The following HSPA4L variants were observed in gnomAD, a reference collection of about 807,000 sequenced individuals.
HSPA4L encodes the protein heat shock protein family A (Hsp70) member 4 like.
A neutral mutation model predicts 100.3 loss-of-function variants in HSPA4L; 48 were observed. The ratio of observed to expected loss-of-function variants is 0.48; its 90% confidence interval spans 0.38 to 0.61. The LOEUF (loss-of-function observed/expected upper bound fraction) is 0.61. HSPA4L is among the 20% of genes least tolerant of loss of function. The pLI, the probability that HSPA4L is intolerant of heterozygous loss-of-function variation, is 0.00. For missense variants in HSPA4L, 886 were observed against 988.6 expected (o/e 0.90, Z 1.39); for synonymous variants, 319 against 328.2 (o/e 0.97, Z 0.30).
In HSPA4L at chr4:127,836,548, A is replaced by ATATT. The variant is rs905787821; in HGVS notation, c.*3676_*3679dup. 1.3e-5 allele frequency: 2 copies of ATATT among 151,944 alleles called. No individual in the cohort carries two copies. The highest frequency in any genetic ancestry group is 4.8e-5 in the African/African-American group (2 of 41,374). The allele number at this position is 151,944 out of a possible 1,614,324, so 9.4% of individuals were successfully genotyped here. A position where few individuals can be genotyped will look rare whatever the true frequency, so the allele number is the denominator to read the frequency against. ...TGGGAGGGAGGCGTCAATTTTTAGTATATTTGTGATTAATTCCATGATAGA... is the reference window on the plus strand; with the variant it reads ...TGGGAGGGAGGCGTCAATTTTTAGTATATTTATTTGTGATTAATTCCATGATAGA... On this transcript the variant is annotated 3_prime_UTR_variant, in exon 19 of 19. Coordinates refer to ENST00000296464, the MANE Select transcript of HSPA4L (RefSeq NM_014278.4).
Position 127,805,764 on chromosome 4 carries a change from G to A in HSPA4L, c.1215G>A (p.Arg405=). 6.2e-7 allele frequency: 1 copy of A among 1,610,530 alleles called. No homozygotes were observed. Among genetic ancestry groups the A allele is most frequent in the Non-Finnish European group, 8.5e-7 (1 of 1,177,634 alleles). Residue 405 remains arginine (R), a synonymous_variant, in exon 10 of 19, where the codon AGG becomes AGA. Transcript: ENST00000296464. ...TDLVPYSITL[R]WKTSFEDGSG... is the part of the protein sequence containing the mutation. ...TTGTTCCCTATTCAATCACATTAAG[G>A]TGGAAGACCTCTTTTGAAGATGGAA...
At chr4:127,784,463 G>C (rs577621735) in intron 1 of HSPA4L, among the ~76,000 whole-genome samples, 2 of 152,216 alleles carry the variant, frequency 1.3e-5, no homozygotes, top group Admixed American at 6.5e-5. Flanking sequence ...CGCTGGTTCT[G>C]TGTGGTTGAG....
chr4:127,801,189 C>T lies in HSPA4L; in HGVS notation c.481C>T (p.Gln161Ter). Residue 161 changes from glutamine to a stop codon, truncating the protein, a stop_gained, in exon 5 of 19, where the codon CAG becomes TAG. Coordinates refer to ENST00000296464, the MANE Select transcript of HSPA4L (RefSeq NM_014278.4). LOFTEE classifies it high-confidence loss of function. ...AERRSVMAAA[Q>*]VAGLNCLRLM... Reference sequence around the variant, plus strand: ...GAGAAGATCTGTGATGGCTGCAGCCCAGGTTGCAGGCTTAAATTGTTTAAG... The same window carrying T: ...GAGAAGATCTGTGATGGCTGCAGCCTAGGTTGCAGGCTTAAATTGTTTAAG... 2 of 1,612,582 alleles carry T rather than the reference C, an allele frequency of 1.2e-6. No individual in the cohort carries two copies. The highest frequency in any genetic ancestry group is 1.7e-6 in the Non-Finnish European group (2 of 1,179,312).
In HSPA4L at chr4:127,782,520, A is replaced by G. The variant is rs1222431043; in HGVS notation, c.-31A>G. The G allele has an allele frequency of 4.5e-6, 7 of 1,554,024 alleles. No individual in the cohort carries two copies. Among genetic ancestry groups the G allele is most frequent in the Non-Finnish European group, 6.2e-6 (7 of 1,125,236 alleles). On this transcript the variant is annotated 5_prime_UTR_variant, in exon 1 of 19. Coordinates refer to ENST00000296464, the MANE Select transcript of HSPA4L (RefSeq NM_014278.4). The stretch of plus-strand genomic sequence containing the variant: ...ACACGGTTCCCGTACCGAAGGGTTC[A>G]GTACCAGCAGCCCGACCATCACGCG...
At chr4:127,783,971 T>C (rs1280675991) in intron 1 of HSPA4L, among the ~76,000 whole-genome samples, 1 of 152,246 alleles carries the variant, frequency 6.6e-6, no homozygotes, top group Non-Finnish European at 1.5e-5. Context: ...TACATGGGCA[T>C]AGATAAGGTA....
At chr4:127,793,946 C>G in intron 1 of HSPA4L, 131 bp from the exon 2 acceptor site, 1 of 537,690 alleles carries the variant, frequency 1.9e-6, no homozygotes, top group African/African-American at 2.0e-5. Context: ...TTTTGATTTG[C>G]ATAACCTATT....
intron 6 of HSPA4L, 57 bp from the exon 7 acceptor site, chr4:127,803,572 T>A (rs895768796): frequency 1.4e-6 from 2 of 1,438,114 alleles, no homozygotes; most frequent in African/African-American, 2.9e-5. Flanking sequence ...GTTTTTCTTT[T>A]TTTTTTGGAA....
At chr4:127,802,124 G>A (rs972631241) in intron 6 of HSPA4L, among the ~76,000 whole-genome samples, 1 of 152,048 alleles carries the variant, frequency 6.6e-6, no homozygotes, top group Non-Finnish European at 1.5e-5. Flanking sequence ...GAGTTAATGT[G>A]TACAAAATTC....
chr4:127,785,181 A>G (rs17012634), intron 1 of HSPA4L, among the ~76,000 whole-genome samples: 5,450 of 152,310 alleles, frequency 0.036, 315 homozygotes, highest in East Asian at 0.26. Context: ...CTGTAAAGTT[A>G]GAGTGTTTAT....
chr4:127,805,034 T>G, intron 8 of HSPA4L, 39 bp from the exon 9 acceptor site: 1 of 1,421,982 alleles, frequency 7.0e-7, no homozygotes, highest in Non-Finnish European at 9.6e-7. Flanking sequence ...TTGAGATTTT[T>G]AAAGACTATC....
chr4:127,801,951 A>G (rs1239120926), intron 6 of HSPA4L, 33 bp downstream of exon 6: 2 of 1,548,350 alleles, frequency 1.3e-6, no homozygotes, highest in African/African-American at 1.4e-5. Context: ...ATATTTACAT[A>G]TGTTAAGAAC....
At chr4:127,805,888 ATTCTGCCAAATACTTTAAAATAATGT>A in intron 10 of HSPA4L, 95 bp downstream of exon 10, 1 of 702,502 alleles carries the variant, frequency 1.4e-6, no homozygotes, top group South Asian at 2.2e-5. Context: ...GCTTCTTAAA[ATTCTGCCAAATACTTTAAAATAATGT>A]ATTAAAGAGA....
At chr4:127,795,742 T>G (rs1733000451) in intron 2 of HSPA4L, 26 bp from the exon 3 acceptor site, 1 of 1,609,874 alleles carries the variant, frequency 6.2e-7, no homozygotes, top group Non-Finnish European at 8.5e-7. Flanking sequence ...AGGTAACTGA[T>G]AAATACAAGT....
intron 1 of HSPA4L, among the ~76,000 whole-genome samples, chr4:127,792,439 A>C (rs1732903629): frequency 6.6e-6 from 1 of 152,208 alleles, no homozygotes; most frequent in Non-Finnish European, 1.5e-5. Flanking sequence ...GATCTAGGCT[A>C]GTGCTATCCA....
rs1734116711 is a variant in HSPA4L at position 127,832,752 on chromosome 4, C to A, written c.2398C>A (p.Pro800Thr). Residue 800 changes from proline to threonine, a missense_variant, in exon 19 of 19, where the codon CCA (proline) becomes ACA (threonine). Coordinates refer to ENST00000296464, the MANE Select transcript of HSPA4L (RefSeq NM_014278.4). ...KPKAEVPEDK[P>T]KANSEHNGPM... is the part of the protein sequence containing the mutation. ...AAAAGCAGAAGTTCCTGAAGACAAACCAAAAGCTAATAGTGAACACAATGG... is the reference window on the plus strand; with the variant it reads ...AAAAGCAGAAGTTCCTGAAGACAAAACAAAAGCTAATAGTGAACACAATGG... 6.2e-7 allele frequency: 1 copy of A among 1,613,218 alleles called. No homozygotes were observed. Among genetic ancestry groups the A allele is most frequent in the African/African-American group, 1.3e-5 (1 of 74,886 alleles).
chr4:127,809,638 G>T (rs1201953295), intron 11 of HSPA4L, among the ~76,000 whole-genome samples: 1 of 152,152 alleles, frequency 6.6e-6, no homozygotes, highest in Non-Finnish European at 1.5e-5. Flanking sequence ...GGGTAATCAG[G>T]ATGATGAGAG....
At position 127,801,862 on chromosome 4, in the gene HSPA4L, A is replaced by G. The variant is rs1413507878; in HGVS notation, c.607A>G (p.Met203Val). Residue 203 changes from methionine to valine, a missense_variant, in exon 6 of 19, where the codon ATG becomes GTG. By Grantham distance (21) the Met-to-Val change is conservative (BLOSUM62 1). Transcript: ENST00000296464. Reference sequence around the variant, plus strand: ...ACCAAGAAATGTAGTATTTATTGATATGGGACATTCTGCCTATCAGGTCTT... The same window carrying G: ...ACCAAGAAATGTAGTATTTATTGATGTGGGACATTCTGCCTATCAGGTCTT... ...EKPRNVVFID[M>V]GHSAYQVLVC... 2 of 1,610,354 alleles carry G rather than the reference A, an allele frequency of 1.2e-6. No homozygotes were observed. The highest frequency in any genetic ancestry group is 1.7e-5 in the Admixed American group (1 of 59,618).
intron 1 of HSPA4L, among the ~76,000 whole-genome samples, chr4:127,793,721 G>A (rs191776944): frequency 7.4e-4 from 113 of 152,244 alleles, no homozygotes; most frequent in African/African-American, 2.5e-3. Flanking sequence ...AGGTTAAGTG[G>A]CAAAGCCAGG....
intron 1 of HSPA4L, among the ~76,000 whole-genome samples, chr4:127,784,868 T>G (rs1016534177): frequency 6.6e-6 from 1 of 152,270 alleles, no homozygotes; most frequent in African/African-American, 2.4e-5. Flanking sequence ...AAATAAAATG[T>G]TAGCTTTGCA....
Sources: gnomAD v4.1 joint callset for allele counts (sites outside exome capture counted in the v4.1 genomes callset) on GRCh38, gnomAD v4.1.1 for gene constraint, MANE v1.5 for transcripts, NCBI Gene and HGNC (gene_info 2026-07-23, HGNC 2026-07-21) for gene names.